The following PRKG1 variants were observed in gnomAD, a reference collection of about 807,000 sequenced individuals.
The protein encoded by PRKG1 is cGMP-dependent protein kinase 1.
PRKG1 carries 35 observed loss-of-function variants against 88.1 expected under a neutral mutation model. That is an observed-to-expected ratio of 0.40 (90% CI 0.30 to 0.53). The LOEUF is 0.53. Ranked by LOEUF, PRKG1 falls within the 20% of genes least tolerant of loss-of-function variation. The pLI is 0.59. For synonymous variants in PRKG1, 303 were observed against 292.5 expected (o/e 1.04, Z -0.37); for missense variants, 540 against 839.8 (o/e 0.64, Z 4.41).
At chr10:51,760,695 C>G (rs540841987) in intron 3 of PRKG1, among the ~76,000 whole-genome samples, 1 of 152,010 alleles carries the variant, frequency 6.6e-6, no homozygotes, top group Admixed American at 6.5e-5. Flanking sequence ...TGGTCTCGAA[C>G]TCTTGACCTC....
chr10:51,231,504 G>C (rs755031785), intron 2 of PRKG1, among the ~76,000 whole-genome samples: 1 of 152,136 alleles, frequency 6.6e-6, no homozygotes, highest in Non-Finnish European at 1.5e-5. Context: ...AAAGTGAATG[G>C]TCATTCCTTT....
At chr10:51,915,649 C>T (rs11000115) in intron 5 of PRKG1, among the ~76,000 whole-genome samples, 25,903 of 152,016 alleles carry the variant, frequency 0.17, 2,888 homozygotes, top group Non-Finnish European at 0.24. Context: ...TTAATATCTC[C>T]ACGTCTTATT....
At chr10:51,095,423 G>A (rs2131871786) in intron 1 of PRKG1, among the ~76,000 whole-genome samples, 1 of 152,116 alleles carries the variant, frequency 6.6e-6, no homozygotes, top group African/African-American at 2.4e-5. Context: ...TTCAAGCGGG[G>A]GACTTTATTT....
intron 3 of PRKG1, among the ~76,000 whole-genome samples, chr10:51,709,155 T>A (rs1185378186): frequency 1.3e-5 from 2 of 152,206 alleles, no homozygotes; most frequent in Non-Finnish European, 2.9e-5. Context: ...AAATGTGGAC[T>A]TCCAGTTAGA....
intron 5 of PRKG1, among the ~76,000 whole-genome samples, chr10:51,975,909 A>G (rs1272028794): frequency 6.6e-6 from 1 of 152,098 alleles, no homozygotes; most frequent in East Asian, 1.9e-4. Context: ...TTGTCTTACT[A>G]TTCAATAATA....
chr10:51,138,616 G>A (rs1845743322), intron 1 of PRKG1, among the ~76,000 whole-genome samples: 1 of 143,726 alleles, frequency 7.0e-6, no homozygotes, highest in Non-Finnish European at 1.5e-5. Flanking sequence ...AGTTCAGGTT[G>A]ATTGCTATTT....
intron 3 of PRKG1, among the ~76,000 whole-genome samples, chr10:51,670,291 T>C (rs909717292): frequency 1.3e-5 from 2 of 152,072 alleles, no homozygotes; most frequent in African/African-American, 4.8e-5. Flanking sequence ...AACTGTTATG[T>C]TGAAGTATAC....
rs188989369 is a variant in PRKG1 at position 51,444,616 on chromosome 10, T to G, written c.479-23107T>G. Among the ~76,000 whole-genome samples, 6 of 151,914 alleles carry G rather than the reference T, an allele frequency of 3.9e-5. No individual in the cohort carries two copies. The East Asian group carries it at 5.8e-4, about 15-fold the overall frequency. ...CAGCATCTTGAATACTTTCTGCAAC[T>G]GTAATGTCAGGCATACCAATTTGAT... On this transcript the variant is annotated intron_variant, in intron 2 of 17. Transcript: ENST00000373980.
chr10:51,001,520 G>GT lies in PRKG1; in HGVS notation c.266+9882dup, dbSNP rs570887587. Among the ~76,000 whole-genome samples the GT allele has an allele frequency of 6.3e-4, 96 of 152,260 alleles. 1 individual carries two copies. Among genetic ancestry groups the GT allele is most frequent in the Non-Finnish European group, 1.1e-3 (78 of 67,998 alleles). On this transcript the variant is annotated intron_variant, in intron 1 of 17. Coordinates refer to the PRKG1 transcript ENST00000401604. ...AGATTATTCCAAATTAAAACTATGT[G>GT]TTTTTTGTATTAAATTATATTGTTA...
At chr10:51,759,425 C>T (rs946251025) in intron 3 of PRKG1, among the ~76,000 whole-genome samples, 5 of 152,012 alleles carry the variant, frequency 3.3e-5, no homozygotes, top group African/African-American at 9.7e-5. Flanking sequence ...CACCACCACA[C>T]CTGGCTAATT....
intron 3 of PRKG1, among the ~76,000 whole-genome samples, chr10:51,630,095 C>T (rs1234061114): frequency 6.6e-6 from 1 of 152,146 alleles, no homozygotes; most frequent in Non-Finnish European, 1.5e-5. Flanking sequence ...CATTCTGTGT[C>T]ATTGAAATGT....
At chr10:51,748,565 G>A (rs1837638666) in intron 3 of PRKG1, among the ~76,000 whole-genome samples, 1 of 152,272 alleles carries the variant, frequency 6.6e-6, no homozygotes, top group East Asian at 1.9e-4. Context: ...CTGAAAGATA[G>A]CATTTCAATA....
intron 9 of PRKG1, among the ~76,000 whole-genome samples, chr10:52,226,995 A>G (rs1213624461): frequency 6.6e-6 from 1 of 152,184 alleles, no homozygotes; most frequent in East Asian, 1.9e-4. Context: ...TCAATGACAC[A>G]TGTTATCAGT....
chr10:51,154,230 G>A (rs1288438046), intron 2 of PRKG1, among the ~76,000 whole-genome samples: 1 of 151,946 alleles, frequency 6.6e-6, no homozygotes, highest in Non-Finnish European at 1.5e-5. Flanking sequence ...TGTAAAAAAA[G>A]AAGATATTCT....
Position 51,074,626 on chromosome 10 carries a change from G to A in PRKG1, c.36G>A (p.Gln12=), listed in dbSNP as rs1360836398. The change falls in exon 1 of 18, where the codon CAG becomes CAA. Residue 12 remains glutamine (Q), a synonymous_variant. Coordinates refer to ENST00000373980, the MANE Select transcript of PRKG1 (RefSeq NM_006258.4). The part of the protein sequence containing the change: ...GTLRDLQYAL[Q]EKIEELRQRD... Reference sequence around the variant, plus strand: ...TGCGGGATTTACAGTACGCGCTCCAGGAGAAGATCGAGGAGCTGAGGCAGC... The same window carrying A: ...TGCGGGATTTACAGTACGCGCTCCAAGAGAAGATCGAGGAGCTGAGGCAGC... 2 of 1,613,906 alleles carry A rather than the reference G, an allele frequency of 1.2e-6. No individual in the cohort carries two copies. Among genetic ancestry groups the A allele is most frequent in the Admixed American group, 1.7e-5 (1 of 60,002 alleles).
intron 3 of PRKG1, among the ~76,000 whole-genome samples, chr10:51,722,505 A>G (rs994117446): frequency 3.3e-5 from 5 of 151,928 alleles, no homozygotes; most frequent in African/African-American, 7.2e-5. Context: ...CTACTGTTTT[A>G]TAAGTGTCTT....
intron 7 of PRKG1, among the ~76,000 whole-genome samples, chr10:52,123,344 C>G (rs1298534891): frequency 6.6e-6 from 1 of 152,026 alleles, no homozygotes; most frequent in Non-Finnish European, 1.5e-5. Context: ...GAAGAATAAA[C>G]CTTGGAGTTG....
At chr10:51,581,823 G>A (rs1433340181) in intron 3 of PRKG1, among the ~76,000 whole-genome samples, 1 of 149,952 alleles carries the variant, frequency 6.7e-6, no homozygotes, top group East Asian at 2.0e-4. Flanking sequence ...ACAATAATCA[G>A]GAGCATTTCA....
intron 2 of PRKG1, among the ~76,000 whole-genome samples, chr10:51,394,390 C>T (rs771072184): frequency 1.1e-4 from 16 of 152,080 alleles, no homozygotes; most frequent in African/African-American, 1.7e-4. Context: ...GAAAGAGTGC[C>T]GCAAGAGCAA....
Sources: allele counts gnomAD v4.1 joint callset (sites outside exome capture counted in the v4.1 genomes callset), GRCh38; gene constraint gnomAD v4.1.1; transcripts MANE v1.5; gene names NCBI Gene and HGNC (gene_info 2026-07-23, HGNC 2026-07-21).